MTSS1: variants seen among roughly 807,000 people sequenced by gnomAD.
MTSS1 encodes protein MTSS 1.
A neutral mutation model predicts 79.0 loss-of-function variants in MTSS1; 18 were observed. That is an observed-to-expected ratio of 0.23 (90% CI 0.16 to 0.34). MTSS1 has a LOEUF of 0.34. Among genes scored for constraint, MTSS1 ranks in the 10% least tolerant of loss-of-function variants. The pLI, the probability that MTSS1 is intolerant of heterozygous loss-of-function variation, is 1.00. For missense variants in MTSS1, 815 were observed against 986.2 expected (o/e 0.83, Z 2.33); for synonymous variants, 341 against 368.6 (o/e 0.93, Z 0.86).
At chr8:124,719,510 T>C (rs1832604117) in intron 1 of MTSS1, among the ~76,000 whole-genome samples, 1 of 152,150 alleles carries the variant, frequency 6.6e-6, no homozygotes, top group African/African-American at 2.4e-5. Context: ...TCTAATTACC[T>C]GCCTGCCTGT....
chr8:124,700,102 G>A (rs1829494178), intron 2 of MTSS1, among the ~76,000 whole-genome samples: 1 of 150,782 alleles, frequency 6.6e-6, no homozygotes, highest in Non-Finnish European at 1.5e-5. Context: ...TCGCACCACT[G>A]CACTCCAGCC....
intron 3 of MTSS1, among the ~76,000 whole-genome samples, chr8:124,614,796 G>C (rs919547): frequency 0.022 from 3,293 of 152,308 alleles, 169 homozygotes; most frequent in East Asian, 0.14. Flanking sequence ...AAAGGAAGAG[G>C]CTCCTGCCTT....
chr8:124,599,691 C>A (rs1001376345), intron 3 of MTSS1, among the ~76,000 whole-genome samples: 3 of 151,814 alleles, frequency 2.0e-5, no homozygotes, highest in Non-Finnish European at 4.4e-5. Context: ...GGTAAGTGAC[C>A]CCCTCCTCCC....
At chr8:124,628,960 A>C (rs1301803858) in intron 3 of MTSS1, among the ~76,000 whole-genome samples, 1 of 152,158 alleles carries the variant, frequency 6.6e-6, no homozygotes, top group East Asian at 1.9e-4. Context: ...AGGATCCCAA[A>C]GTATCTTCAG....
intron 1 of MTSS1, among the ~76,000 whole-genome samples, chr8:124,709,441 G>A (rs143819032): frequency 7.6e-4 from 115 of 152,262 alleles, no homozygotes; most frequent in African/African-American, 2.6e-3. Flanking sequence ...GCTTCACAAC[G>A]TTCCAGACAG....
chr8:124,717,489 G>A (rs963234188), intron 1 of MTSS1, among the ~76,000 whole-genome samples: 19 of 150,688 alleles, frequency 1.3e-4, no homozygotes, highest in African/African-American at 4.7e-4. Flanking sequence ...CAGATACTCG[G>A]GAGGCTGAGG....
At chr8:124,628,096 G>C (rs1815100081) in intron 3 of MTSS1, among the ~76,000 whole-genome samples, 1 of 152,216 alleles carries the variant, frequency 6.6e-6, no homozygotes, top group African/African-American at 2.4e-5. Flanking sequence ...GAACCCGGGA[G>C]ATGGAGGTTG....
intron 6 of MTSS1, among the ~76,000 whole-genome samples, chr8:124,583,655 C>G (rs935210598): frequency 6.6e-6 from 1 of 152,130 alleles, no homozygotes; most frequent in African/African-American, 2.4e-5. Context: ...ATCCTTTTCA[C>G]CAAACTCCCA....
intron 3 of MTSS1, among the ~76,000 whole-genome samples, chr8:124,622,747 C>G (rs1435496744): frequency 6.8e-6 from 1 of 147,492 alleles, no homozygotes; most frequent in African/African-American, 2.5e-5. Flanking sequence ...GAGCTGAGAT[C>G]ACACCACCGC....
intron 3 of MTSS1, among the ~76,000 whole-genome samples, chr8:124,623,226 C>T (rs375102557): frequency 3.3e-5 from 5 of 152,196 alleles, no homozygotes; most frequent in African/African-American, 9.7e-5. Context: ...AACTCACACA[C>T]GTTTATCCTT....
At chr8:124,594,647 A>G (rs1159300109) in intron 3 of MTSS1, among the ~76,000 whole-genome samples, 1 of 152,252 alleles carries the variant, frequency 6.6e-6, no homozygotes, top group Non-Finnish European at 1.5e-5. Flanking sequence ...GAAGCCCTAG[A>G]GAGGAGAGGA....
intron 3 of MTSS1, among the ~76,000 whole-genome samples, chr8:124,669,751 C>G (rs1048215803): frequency 6.6e-6 from 1 of 152,138 alleles, no homozygotes; most frequent in Non-Finnish European, 1.5e-5. Context: ...TTTGGCTAAG[C>G]AAAGTTAATG....
chr8:124,667,228 T>C (rs376794953), intron 3 of MTSS1, among the ~76,000 whole-genome samples: 2 of 152,178 alleles, frequency 1.3e-5, no homozygotes, highest in African/African-American at 4.8e-5. Flanking sequence ...GGCCTGGGGC[T>C]GTGCATGGAT....
Position 124,582,789 on chromosome 8 carries a change from C to T in MTSS1, c.460+2298G>A, listed in dbSNP as rs2132480230. 6.6e-6 allele frequency among the ~76,000 whole-genome samples: 1 copy of T among 152,256 alleles called. No homozygotes were observed. Among genetic ancestry groups the T allele is most frequent in the South Asian group, 2.1e-4 (1 of 4,824 alleles). The stretch of plus-strand genomic sequence containing the variant: ...AAAGGGAAATGTCAGCTAACCAGAC[C>T]CCTAAACAACTGAAAGCCTCAAATG... On this transcript the variant is annotated intron_variant, in intron 6 of 13. Transcript: ENST00000518547. This position sits in a 1 kb window ranked among gnomAD's most constrained non-coding sequence, Gnocchi z 4.8.
chr8:124,639,695 C>A (rs903034684), intron 3 of MTSS1, among the ~76,000 whole-genome samples: 3 of 152,110 alleles, frequency 2.0e-5, no homozygotes, highest in African/African-American at 7.2e-5. Context: ...AACTCCTGAC[C>A]TCAAGTGATC....
chr8:124,663,000 T>C (rs1227548369), intron 3 of MTSS1, among the ~76,000 whole-genome samples: 1 of 152,086 alleles, frequency 6.6e-6, no homozygotes, highest in Non-Finnish European at 1.5e-5. Context: ...TGCTCTCCTT[T>C]AGCCAGGTGA....
intron 3 of MTSS1, among the ~76,000 whole-genome samples, chr8:124,618,073 TA>T (rs1324133659): frequency 6.6e-6 from 1 of 152,158 alleles, no homozygotes; most frequent in Non-Finnish European, 1.5e-5. Flanking sequence ...ATACTTCCTA[TA>T]ATAACATTCT....
chr8:124,559,950 T>C (rs2131880152), intron 10 of MTSS1, among the ~76,000 whole-genome samples: 1 of 152,316 alleles, frequency 6.6e-6, no homozygotes, highest in South Asian at 2.1e-4. Flanking sequence ...TCTGTCCCTT[T>C]CACCTACAAA....
chr8:124,655,335 G>A (rs1053693423), intron 3 of MTSS1, among the ~76,000 whole-genome samples: 1 of 152,206 alleles, frequency 6.6e-6, no homozygotes, highest in Non-Finnish European at 1.5e-5. Flanking sequence ...AACAGTTAGT[G>A]GTCAAAGACA....
Sources: gnomAD v4.1 joint callset for allele counts (sites outside exome capture counted in the v4.1 genomes callset) on GRCh38, gnomAD v4.1.1 for gene constraint, Gnocchi (gnomAD v3.1) non-coding constraint, MANE v1.5 for transcripts, NCBI Gene and HGNC (gene_info 2026-07-23, HGNC 2026-07-21) for gene names.